Variants in LRRC4C observed in about 807,000 individuals in gnomAD.
LRRC4C encodes leucine-rich repeat-containing protein 4C.
In LRRC4C, 5 loss-of-function variants were observed where a neutral mutation model predicts 33.6. That is an observed-to-expected ratio of 0.15 (90% CI 0.08 to 0.31). LRRC4C has a LOEUF of 0.31. Among genes scored for constraint, LRRC4C ranks in the 10% least tolerant of loss-of-function variants. The pLI is 1.00. For missense variants in LRRC4C, 560 were observed against 796.7 expected, an observed-to-expected ratio of 0.70 and a Z score of 3.58; for synonymous variants, 329 against 302.0, an observed-to-expected ratio of 1.09 and a Z score of -0.93.
intron 1 of LRRC4C, among the ~76,000 whole-genome samples, chr11:41,385,878 A>C (rs1304318437): frequency 6.6e-6 from 1 of 151,610 alleles, no homozygotes; most frequent in Non-Finnish European, 1.5e-5. Context: ...ATTTTTCATG[A>C]GTTTCAATCC....
intron 1 of LRRC4C, among the ~76,000 whole-genome samples, chr11:41,336,952 A>C (rs1224306628): frequency 6.6e-6 from 1 of 152,238 alleles, no homozygotes; most frequent in East Asian, 1.9e-4. Flanking sequence ...AAGGAAACTA[A>C]GACATAAAAA....
intron 3 of LRRC4C, among the ~76,000 whole-genome samples, chr11:40,568,470 T>C (rs995250957): frequency 1.3e-5 from 2 of 152,250 alleles, no homozygotes; most frequent in Non-Finnish European, 2.9e-5. Context: ...AAAATTTATT[T>C]ATGGTGTTGT....
Position 40,177,153 on chromosome 11 carries a change from T to C in LRRC4C, c.-95-36300A>G, listed in dbSNP as rs754384673. Reference sequence around the variant, plus strand: ...TTTCTTTAGAGGAGACGGGGTTTCATTGTGTTAGCCAGGATGGTCTTGATC... The same window carrying C: ...TTTCTTTAGAGGAGACGGGGTTTCACTGTGTTAGCCAGGATGGTCTTGATC... On this transcript the variant is annotated intron_variant, in intron 5 of 6. Transcript: ENST00000528697. Among the ~76,000 whole-genome samples the C allele has an allele frequency of 4.6e-5, 7 of 151,928 alleles. No individual in the cohort carries two copies. The East Asian group carries it at 9.7e-4, about 21-fold the overall frequency.
chr11:40,896,540 A>ATT (rs5791407), intron 2 of LRRC4C, among the ~76,000 whole-genome samples: 394 of 149,004 alleles, frequency 2.6e-3, no homozygotes, highest in Non-Finnish European at 4.4e-3. Flanking sequence ...CAATTAGAAT[A>ATT]TTTTTTTTTT....
chr11:41,313,909 ACAGTATCCATTCATCTATT>A (rs1205183195), intron 1 of LRRC4C, among the ~76,000 whole-genome samples: 3 of 152,138 alleles, frequency 2.0e-5, no homozygotes, highest in African/African-American at 7.2e-5. Context: ...AAAAATTGTC[ACAGTATCCATTCATCTATT>A]CAAATAAAAA....
chr11:40,413,348 G>A (rs1336218385), intron 3 of LRRC4C, among the ~76,000 whole-genome samples: 2 of 152,020 alleles, frequency 1.3e-5, no homozygotes, highest in Non-Finnish European at 2.9e-5. Flanking sequence ...GGCCAAATGG[G>A]ATTGTTTTAT....
chr11:40,631,348 T>A (rs1375957330), intron 3 of LRRC4C, among the ~76,000 whole-genome samples: 1 of 152,060 alleles, frequency 6.6e-6, no homozygotes, highest in Non-Finnish European at 1.5e-5. Context: ...GCCAGGGAGA[T>A]GGAGGATAGG....
chr11:40,588,375 T>G (rs1958864567), intron 3 of LRRC4C, among the ~76,000 whole-genome samples: 2 of 152,306 alleles, frequency 1.3e-5, no homozygotes, highest in East Asian at 3.9e-4. Flanking sequence ...CTTTTTTTCT[T>G]TATTAGCCTT....
At chr11:41,015,082 T>C (rs940694227) in intron 1 of LRRC4C, among the ~76,000 whole-genome samples, 3 of 152,176 alleles carry the variant, frequency 2.0e-5, no homozygotes, top group Admixed American at 1.3e-4. Context: ...ATCTAGCTAG[T>C]TTCTAAGCCA....
At chr11:40,920,794 C>T (rs1957140104) in intron 2 of LRRC4C, among the ~76,000 whole-genome samples, 1 of 152,120 alleles carries the variant, frequency 6.6e-6, no homozygotes, top group Non-Finnish European at 1.5e-5. Flanking sequence ...AGCATGTTAC[C>T]TTGAATCGTT....
chr11:40,186,976 A>G (rs969323739), intron 5 of LRRC4C, among the ~76,000 whole-genome samples: 8 of 151,884 alleles, frequency 5.3e-5, no homozygotes, highest in Admixed American at 1.3e-4. Flanking sequence ...GTGCTGGGGG[A>G]TGGCAGCAAC....
At chr11:41,184,039 C>T (rs1272440026) in intron 1 of LRRC4C, among the ~76,000 whole-genome samples, 1 of 152,174 alleles carries the variant, frequency 6.6e-6, no homozygotes, top group Non-Finnish European at 1.5e-5. Context: ...CACAGGACAC[C>T]ATGTTCCCAG....
At chr11:40,222,226 C>T (rs1381138545) in intron 5 of LRRC4C, among the ~76,000 whole-genome samples, 1 of 152,092 alleles carries the variant, frequency 6.6e-6, no homozygotes, top group Non-Finnish European at 1.5e-5. Flanking sequence ...ATTTCAGTAT[C>T]CTTCCTTTTA....
intron 2 of LRRC4C, among the ~76,000 whole-genome samples, chr11:40,720,103 G>A (rs1946937584): frequency 6.6e-6 from 1 of 152,066 alleles, no homozygotes; most frequent in Non-Finnish European, 1.5e-5. Context: ...CATTCTCCCA[G>A]GACTCATGTT....
At chr11:40,583,996 T>C (rs1435039472) in intron 3 of LRRC4C, among the ~76,000 whole-genome samples, 1 of 151,426 alleles carries the variant, frequency 6.6e-6, no homozygotes, top group Non-Finnish European at 1.5e-5. Flanking sequence ...TTCTAAAGTC[T>C]TTCCAGCTTC....
chr11:40,197,646 C>G (rs2135692634), intron 5 of LRRC4C, among the ~76,000 whole-genome samples: 1 of 152,248 alleles, frequency 6.6e-6, no homozygotes, highest in African/African-American at 2.4e-5. Flanking sequence ...TCCATCATTC[C>G]CCATGACATA....
chr11:41,283,088 T>A (rs1949721222), intron 1 of LRRC4C, among the ~76,000 whole-genome samples: 1 of 152,186 alleles, frequency 6.6e-6, no homozygotes, highest in Non-Finnish European at 1.5e-5. Flanking sequence ...GGGAGGACAA[T>A]TAGAAATTTT....
intron 1 of LRRC4C, among the ~76,000 whole-genome samples, chr11:41,142,139 CAGGTATT>C (rs1481135479): frequency 6.6e-6 from 1 of 150,626 alleles, no homozygotes; most frequent in South Asian, 2.1e-4. Flanking sequence ...ATATATATAA[CAGGTATT>C]AGCAGGCCTT....
chr11:40,503,080 G>A (rs1256211672), intron 3 of LRRC4C, among the ~76,000 whole-genome samples: 2 of 152,048 alleles, frequency 1.3e-5, no homozygotes, highest in Admixed American at 6.6e-5. Flanking sequence ...AAGACACCAT[G>A]CTGACTCGCA....
Sources: allele counts gnomAD v4.1 joint callset (sites outside exome capture counted in the v4.1 genomes callset), GRCh38; gene constraint gnomAD v4.1.1; transcripts MANE v1.5; gene names NCBI Gene and HGNC (gene_info 2026-07-23, HGNC 2026-07-21).